Variants in ADGRV1 observed in about 807,000 individuals in gnomAD.
The protein encoded by ADGRV1 is G-protein coupled receptor 98.
In ADGRV1, 359 loss-of-function variants were observed where a neutral mutation model predicts 596.2. The observed-to-expected ratio is 0.60, with a 90% CI of 0.55 to 0.66. ADGRV1 has a LOEUF of 0.66. Ranked by LOEUF, ADGRV1 falls within the 30% of genes least tolerant of loss-of-function variation. The pLI is 0.00. For synonymous variants in ADGRV1, 2,681 were observed against 2,679.2 expected, an observed-to-expected ratio of 1.00 and a Z score of -0.02; for missense variants, 7,274 against 7,575.6, an observed-to-expected ratio of 0.96 and a Z score of 1.48.
chr5:90,784,416 A>G (rs1413734733), intron 67 of ADGRV1, among the ~76,000 whole-genome samples: 1 of 152,238 alleles, frequency 6.6e-6, no homozygotes, highest in Non-Finnish European at 1.5e-5. Context: ...TTTTCATTTT[A>G]TTAAGCAGAG....
In ADGRV1 at chr5:90,648,402, G is replaced by GT. The variant is rs1247487900; in HGVS notation, c.3289+647dup. 4.0e-5 allele frequency among the ~76,000 whole-genome samples: 6 copies of GT among 151,700 alleles called. No homozygotes were observed. The East Asian group carries it at 7.8e-4, about 20-fold the overall frequency. ...TTTTATTCTTTTAATAGTACAAGGA[G>GT]TTTTTTTTTCCTTGAACCTTTTGAG... On this transcript the variant is annotated intron_variant, in intron 17 of 89. Transcript: ENST00000405460.
intron 83 of ADGRV1, among the ~76,000 whole-genome samples, chr5:90,935,508 A>G (rs114988496): frequency 0.013 from 1,921 of 152,280 alleles, 34 homozygotes; most frequent in African/African-American, 0.043. Context: ...TTGCTTTCTA[A>G]TATAGAGAAT....
intron 1 of ADGRV1, among the ~76,000 whole-genome samples, chr5:90,560,336 T>C (rs958836055): frequency 4.6e-5 from 7 of 152,148 alleles, no homozygotes; most frequent in Non-Finnish European, 1.0e-4. Context: ...CTCATTTCCA[T>C]GATGAATAAA....
intron 4 of ADGRV1, among the ~76,000 whole-genome samples, chr5:90,622,224 G>T (rs375810943): frequency 1.2e-4 from 19 of 152,340 alleles, no homozygotes; most frequent in African/African-American, 4.3e-4. Context: ...GGTGGTCCCA[G>T]TGACCTGCTG....
At chr5:90,939,712 C>CT (rs986075157) in intron 83 of ADGRV1, among the ~76,000 whole-genome samples, 8 of 151,878 alleles carry the variant, frequency 5.3e-5, no homozygotes, top group Admixed American at 2.0e-4. Flanking sequence ...GGCAGAATTG[C>CT]TTTTTTTTAC....
chr5:90,677,310 G>A (rs539175838), intron 25 of ADGRV1, among the ~76,000 whole-genome samples: 1 of 152,262 alleles, frequency 6.6e-6, no homozygotes, highest in South Asian at 2.1e-4. Flanking sequence ...TCAGGTAAGA[G>A]CAAGGAGACC....
At chr5:91,009,767 A>C (rs144811175) in intron 85 of ADGRV1, among the ~76,000 whole-genome samples, 1,930 of 152,206 alleles carry the variant, frequency 0.013, 18 homozygotes, top group Non-Finnish European at 0.019. Flanking sequence ...AATAGTACTA[A>C]TTCACCACAC....
chr5:90,568,584 G>T (rs1247475513), intron 1 of ADGRV1, among the ~76,000 whole-genome samples: 3 of 152,130 alleles, frequency 2.0e-5, no homozygotes, highest in African/African-American at 7.2e-5. Flanking sequence ...TATGTATTCT[G>T]CTGTTGTGGG....
intron 78 of ADGRV1, among the ~76,000 whole-genome samples, chr5:90,847,586 G>A (rs1219238773): frequency 2.0e-5 from 3 of 152,312 alleles, no homozygotes; most frequent in African/African-American, 7.2e-5. Flanking sequence ...TGTCAGGGAG[G>A]CTTGGGCTGC....
At chr5:90,992,157 TAA>T (rs1400505842) in intron 85 of ADGRV1, among the ~76,000 whole-genome samples, 1 of 152,262 alleles carries the variant, frequency 6.6e-6, no homozygotes, top group Non-Finnish European at 1.5e-5. Context: ...TAATGGAATC[TAA>T]GAGTTAGATG....
intron 85 of ADGRV1, among the ~76,000 whole-genome samples, chr5:91,054,749 A>C (rs966282227): frequency 5.9e-5 from 9 of 152,166 alleles, no homozygotes; most frequent in African/African-American, 2.2e-4. Flanking sequence ...CCTTCCTCCT[A>C]ATACCATCAC....
intron 85 of ADGRV1, chr5:91,031,220 T>C (rs1447029976): frequency 6.3e-7 from 1 of 1,585,642 alleles, no homozygotes; most frequent in East Asian, 2.2e-5. Flanking sequence ...TGTGTCCATG[T>C]GGTTCCTTCA....
chr5:90,927,084 GT>G (rs1162633922), intron 83 of ADGRV1, among the ~76,000 whole-genome samples: 5 of 147,284 alleles, frequency 3.4e-5, no homozygotes, highest in Non-Finnish European at 7.5e-5. Context: ...TAGGTGTGGT[GT>G]GGTGCTGAAA....
chr5:91,009,263 C>T (rs1002046299), intron 85 of ADGRV1, among the ~76,000 whole-genome samples: 3 of 152,068 alleles, frequency 2.0e-5, no homozygotes, highest in South Asian at 4.1e-4. Flanking sequence ...TTCATCAAGG[C>T]AGATGATAAA....
chr5:91,044,728 A>T (rs755224452), intron 85 of ADGRV1, among the ~76,000 whole-genome samples: 1 of 152,170 alleles, frequency 6.6e-6, no homozygotes, highest in Non-Finnish European at 1.5e-5. Flanking sequence ...TTATTTAGGT[A>T]CACGCTGTCA....
chr5:91,060,548 G>T (rs940264541), intron 85 of ADGRV1, among the ~76,000 whole-genome samples: 2 of 151,938 alleles, frequency 1.3e-5, no homozygotes, highest in African/African-American at 4.8e-5. Context: ...CTTAATAATT[G>T]AAAGTTACCT....
rs929687178 is a variant in ADGRV1 at position 90,863,361 on chromosome 5, G to A, written c.17756-396G>A. 3.9e-5 allele frequency among the ~76,000 whole-genome samples: 6 copies of A among 152,172 alleles called. No individual in the cohort carries two copies. In the East Asian group the frequency reaches 5.8e-4, roughly 15 times the overall value. On this transcript the variant is annotated intron_variant, in intron 82 of 89. Transcript: ENST00000405460. ...AGAAGTTTAAGTTAAAAGTCATTGT[G>A]GAGAAAATAGCACACTTTCTTCCTG...
intron 3 of ADGRV1, among the ~76,000 whole-genome samples, chr5:90,618,856 A>G (rs1350858065): frequency 6.6e-6 from 1 of 151,884 alleles, no homozygotes; most frequent in Non-Finnish European, 1.5e-5. Context: ...ATCATATATT[A>G]TTAAGAGTCA....
chr5:90,688,237 C>T (rs1305440413), intron 29 of ADGRV1, among the ~76,000 whole-genome samples: 16 of 152,044 alleles, frequency 1.1e-4, no homozygotes, highest in African/African-American at 1.7e-4. Context: ...TCAGAAATAA[C>T]GCCGCATATC....
Sources: allele counts gnomAD v4.1 joint callset (sites outside exome capture counted in the v4.1 genomes callset), GRCh38; gene constraint gnomAD v4.1.1; transcripts MANE v1.5; gene names NCBI Gene and HGNC (gene_info 2026-07-23, HGNC 2026-07-21).